Variants in GPHN observed in about 807,000 individuals in gnomAD.
GPHN encodes the protein gephyrin.
Under a neutral mutation model 95.5 loss-of-function variants are expected in GPHN, and 17 were observed. That is an observed-to-expected ratio of 0.18 (90% CI 0.12 to 0.27). The LOEUF is 0.27. Ranked by LOEUF, GPHN falls within the 10% of genes least tolerant of loss-of-function variation. GPHN has a pLI of 1.00. For synonymous variants in GPHN, 320 were observed against 322.5 expected, an observed-to-expected ratio of 0.99 and a Z score of 0.08; for missense variants, 660 against 978.1, an observed-to-expected ratio of 0.67 and a Z score of 4.34.
chr14:67,109,227 A>G lies in GPHN; in HGVS notation c.1294-913A>G, dbSNP rs60458661. ...AACTATCCTTATGCAGCACGTGACT[A>G]TACTTATGAGGCAGACATCTTTAGA... On this transcript the variant is annotated intron_variant, in intron 13 of 22. Transcript: ENST00000478722. Among the ~76,000 whole-genome samples, 1,077 of 152,344 alleles carry G rather than the reference A, an allele frequency of 7.1e-3. 4 individuals are homozygous for G. Among genetic ancestry groups the G allele is most frequent in the African/African-American group, 0.025 (1,028 of 41,582 alleles).
intron 11 of GPHN, among the ~76,000 whole-genome samples, chr14:67,084,858 A>G (rs2076824588): frequency 6.6e-6 from 1 of 152,238 alleles, no homozygotes; most frequent in Non-Finnish European, 1.5e-5. Flanking sequence ...AAAAGCACAG[A>G]CTAGAAAAAG....
At chr14:66,715,629 T>C (rs927095719) in intron 2 of GPHN, among the ~76,000 whole-genome samples, 1 of 152,194 alleles carries the variant, frequency 6.6e-6, no homozygotes, top group Admixed American at 6.6e-5. Context: ...CTATGAACTT[T>C]CCTGTTAGCA....
the GPHN span, among the ~76,000 whole-genome samples, chr14:67,636,693 C>T: frequency 1.3e-3 from 198 of 152,346 alleles, 4 homozygotes; most frequent in East Asian, 0.028. Flanking sequence ...AAGGTAACAT[C>T]TGGGCCTGAA....
chr14:67,723,392 C>T, the GPHN span, among the ~76,000 whole-genome samples: 2 of 152,188 alleles, frequency 1.3e-5, no homozygotes, highest in African/African-American at 4.8e-5. Flanking sequence ...TGCCACTACA[C>T]CCAGCTACTT....
At chr14:67,322,407 G>A in the GPHN span, among the ~76,000 whole-genome samples, 55 of 152,258 alleles carry the variant, frequency 3.6e-4, no homozygotes, top group Admixed American at 7.9e-4. Flanking sequence ...AACTCCAAAT[G>A]TTACGGAAAA....
intron 9 of GPHN, among the ~76,000 whole-genome samples, chr14:67,002,205 G>GGAA (rs2072277601): frequency 6.6e-6 from 1 of 151,058 alleles, no homozygotes; most frequent in South Asian, 2.1e-4. Context: ...CCAGAATTGA[G>GGAA]GAAGATATAG....
At chr14:67,587,966 T>G in the GPHN span, 4 of 152,698 alleles carry the variant, frequency 2.6e-5, no homozygotes, top group Non-Finnish European at 5.9e-5. Flanking sequence ...AGCCTAGAAC[T>G]CACTAAACTG....
the GPHN span, among the ~76,000 whole-genome samples, chr14:67,720,046 C>A: frequency 0.092 from 14,065 of 152,198 alleles, 672 homozygotes; most frequent in Middle Eastern, 0.2. Flanking sequence ...GACTCTCCCA[C>A]GAGCAATGCA....
chr14:67,667,191 T>G, the GPHN span, among the ~76,000 whole-genome samples: 1 of 152,168 alleles, frequency 6.6e-6, no homozygotes, highest in African/African-American at 2.4e-5. Context: ...AAAGCCTACC[T>G]TAATGTTTGA....
At chr14:66,835,420 G>T (rs890714971) in intron 4 of GPHN, among the ~76,000 whole-genome samples, 1 of 152,156 alleles carries the variant, frequency 6.6e-6, no homozygotes, top group South Asian at 2.1e-4. Flanking sequence ...TCTACACACT[G>T]CTTTGAATAT....
chr14:66,773,543 G>A (rs1037739213), intron 2 of GPHN, among the ~76,000 whole-genome samples: 57 of 151,850 alleles, frequency 3.8e-4, no homozygotes, highest in African/African-American at 1.3e-3. Flanking sequence ...TAGTAGAGAC[G>A]GGGTTTCACC....
intron 1 of GPHN, among the ~76,000 whole-genome samples, chr14:66,616,745 G>A (rs535204385): frequency 1.3e-5 from 2 of 151,888 alleles, no homozygotes; most frequent in Non-Finnish European, 2.9e-5. Flanking sequence ...TCGCTATGTT[G>A]TCACCAGGCT....
intron 16 of GPHN, among the ~76,000 whole-genome samples, chr14:67,118,814 G>A (rs1272260340): frequency 6.6e-6 from 1 of 152,142 alleles, no homozygotes; most frequent in East Asian, 1.9e-4. Context: ...AGGCAAACAG[G>A]AGAAAAGCAG....
At chr14:67,604,031 CGCCTAG>C in the GPHN span, among the ~76,000 whole-genome samples, 1 of 151,034 alleles carries the variant, frequency 6.6e-6, no homozygotes, top group South Asian at 2.1e-4. Context: ...CTTGCTCTGT[CGCCTAG>C]GCAAGAGTGC....
chr14:67,592,432 T>C, the GPHN span: 3 of 537,426 alleles, frequency 5.6e-6, no homozygotes, highest in African/African-American at 3.9e-5. Context: ...AGTGAGACTC[T>C]GTCTCTAAAA....
At position 67,058,710 on chromosome 14, in the gene GPHN, G is replaced by C; in HGVS notation, c.1068G>C (p.Leu356=). The C allele has an allele frequency of 6.2e-7, 1 of 1,613,176 alleles. No individual in the cohort carries two copies. The highest frequency in any genetic ancestry group is 1.1e-5 in the South Asian group (1 of 91,056). The part of the protein sequence containing the change: ...ARRHRMSPFP[L]TSMDKAFITV... ...GACATCGCATGTCTCCTTTTCCTCTGACATCTATGGACAAAGCCTTTATCA... is the reference window on the plus strand; with the variant it reads ...GACATCGCATGTCTCCTTTTCCTCTCACATCTATGGACAAAGCCTTTATCA... The change falls in exon 11 of 23, where the codon CTG becomes CTC. Residue 356 remains leucine (L), a synonymous_variant. Transcript: ENST00000478722.
chr14:67,176,453 T>C (rs1263846495), intron 21 of GPHN, among the ~76,000 whole-genome samples: 1 of 152,220 alleles, frequency 6.6e-6, no homozygotes, highest in Non-Finnish European at 1.5e-5. Context: ...GATAAGCTTT[T>C]AGATGTGCTG....
the GPHN span, among the ~76,000 whole-genome samples, chr14:67,703,710 C>G: frequency 1.3e-5 from 2 of 152,186 alleles, no homozygotes; most frequent in Non-Finnish European, 2.9e-5. Context: ...GAGTTTCACT[C>G]TGTTGCCCAG....
At chr14:67,464,126 C>G in the GPHN span, among the ~76,000 whole-genome samples, 2 of 152,088 alleles carry the variant, frequency 1.3e-5, no homozygotes, top group African/African-American at 4.8e-5. Flanking sequence ...AGCCCTGCAC[C>G]TGCACCACCT....
Sources: allele counts gnomAD v4.1 joint callset (sites outside exome capture counted in the v4.1 genomes callset), GRCh38; gene constraint gnomAD v4.1.1; transcripts MANE v1.5; gene names NCBI Gene and HGNC (gene_info 2026-07-23, HGNC 2026-07-21).